Variants in KCNN2 observed in about 807,000 individuals in gnomAD.
KCNN2 encodes small conductance calcium-activated potassium channel protein 2.
A neutral mutation model predicts 55.5 loss-of-function variants in KCNN2; 24 were observed. That is an observed-to-expected ratio of 0.43 (90% confidence interval 0.31 to 0.61). The LOEUF (loss-of-function observed/expected upper bound fraction) is 0.61. KCNN2 is among the 20% of genes least tolerant of loss of function. The pLI is 0.08. For missense variants in KCNN2, 754 were observed against 853.6 expected, an observed-to-expected ratio of 0.88 and a Z score of 1.45; for synonymous variants, 431 against 336.1, an observed-to-expected ratio of 1.28 and a Z score of -3.09.
At chr5:114,346,455 A>G (rs1757104480) in intron 2 of KCNN2, among the ~76,000 whole-genome samples, 1 of 152,198 alleles carries the variant, frequency 6.6e-6, no homozygotes, top group Admixed American at 6.5e-5. Context: ...TGTAACTAAG[A>G]TTGAGCAAAT....
intron 1 of KCNN2, among the ~76,000 whole-genome samples, chr5:114,102,869 G>A (rs11950509): frequency 0.2 from 29,808 of 152,068 alleles, 3,170 homozygotes; most frequent in African/African-American, 0.28. Flanking sequence ...GTCAGGTAGC[G>A]TGATGCCTCC....
intron 2 of KCNN2, among the ~76,000 whole-genome samples, chr5:114,269,566 C>A (rs1049486563): frequency 5.3e-5 from 8 of 151,578 alleles, no homozygotes; most frequent in Admixed American, 3.9e-4. Flanking sequence ...ACACTGTAGA[C>A]CTTCCTTTCA....
intron 1 of KCNN2, among the ~76,000 whole-genome samples, chr5:114,129,901 C>G (rs2112610083): frequency 6.6e-6 from 1 of 152,272 alleles, no homozygotes; most frequent in East Asian, 1.9e-4. Flanking sequence ...TCTAGGACCT[C>G]CAAACACATC....
chr5:114,069,896 A>G (rs1442423969), intron 1 of KCNN2, among the ~76,000 whole-genome samples: 4 of 152,340 alleles, frequency 2.6e-5, no homozygotes, highest in African/African-American at 9.6e-5. Context: ...TGGGAATGCA[A>G]GGATACAGGT....
At chr5:114,468,550 T>TA (rs1761559849) in intron 4 of KCNN2, among the ~76,000 whole-genome samples, 1 of 152,144 alleles carries the variant, frequency 6.6e-6, no homozygotes, top group East Asian at 1.9e-4. Flanking sequence ...AATAGTCTAT[T>TA]TAGTCTAATA....
chr5:114,236,077 T>A (rs1294939114), intron 2 of KCNN2, among the ~76,000 whole-genome samples: 2 of 152,236 alleles, frequency 1.3e-5, no homozygotes, highest in African/African-American at 4.8e-5. Flanking sequence ...ATTGTATATG[T>A]ATATTTTAAC....
At chr5:114,363,303 C>G (rs1260513320) in intron 1 of KCNN2, 42 bp downstream of exon 1, 1 of 1,527,370 alleles carries the variant, frequency 6.5e-7, no homozygotes, top group African/African-American at 1.4e-5. Context: ...GAGTCGGGCA[C>G]TGGGTGGTTG....
intron 1 of KCNN2, among the ~76,000 whole-genome samples, chr5:114,076,044 T>C (rs1750679566): frequency 6.6e-6 from 1 of 152,242 alleles, no homozygotes; most frequent in South Asian, 2.1e-4. Context: ...CCACTACTAA[T>C]AGTTTGTTAG....
At position 114,375,952 on chromosome 5, in the gene KCNN2, GTATATATATATATA is replaced by G. The variant is rs6149186; in HGVS notation, c.1218+11963_1218+11976del. Among the ~76,000 whole-genome samples the G allele has an allele frequency of 5.7e-5, 6 of 104,722 alleles. 1 individual carries two copies. Among genetic ancestry groups the G allele is most frequent in the East Asian group, 5.2e-4 (1 of 1,916 alleles). The allele number at this position is 104,722 out of a possible 152,430, so 68.7% of individuals were successfully genotyped here. A position where few individuals can be genotyped will look rare whatever the true frequency, so the allele number is the denominator to read the frequency against. ...AATCATTTAAAAAAAGACTCACAGT[GTATATATATATATA>G]TATATATATATGTATTTTTTTCCTT... On this transcript the variant is annotated intron_variant, in intron 2 of 7. Coordinates refer to ENST00000673685, the MANE Select transcript of KCNN2 (RefSeq NM_021614.4).
chr5:114,264,130 C>T (rs1348664468), intron 2 of KCNN2, among the ~76,000 whole-genome samples: 1 of 152,140 alleles, frequency 6.6e-6, no homozygotes, highest in Non-Finnish European at 1.5e-5. Context: ...TCAATTCTGT[C>T]TTGTAGTTGG....
At chr5:114,127,575 A>C (rs1691384391) in intron 1 of KCNN2, among the ~76,000 whole-genome samples, 1 of 152,154 alleles carries the variant, frequency 6.6e-6, no homozygotes, top group Non-Finnish European at 1.5e-5. Context: ...GCCTCTGGCC[A>C]TGTGATGGGA....
chr5:114,322,179 A>C (rs1279180193), intron 2 of KCNN2, among the ~76,000 whole-genome samples: 1 of 152,226 alleles, frequency 6.6e-6, no homozygotes, highest in Admixed American at 6.5e-5. Flanking sequence ...AAATTAGTTT[A>C]TTTGTAGAAT....
At chr5:114,087,262 C>T (rs1751036085) in intron 1 of KCNN2, among the ~76,000 whole-genome samples, 1 of 152,004 alleles carries the variant, frequency 6.6e-6, no homozygotes, top group South Asian at 2.1e-4. Flanking sequence ...TTTTGTGGTG[C>T]AGAAGCTTTT....
chr5:114,067,665 G>A (rs1407891591), intron 1 of KCNN2, among the ~76,000 whole-genome samples: 1 of 152,098 alleles, frequency 6.6e-6, no homozygotes, highest in Non-Finnish European at 1.5e-5. Flanking sequence ...GAGGGATTAG[G>A]CAAAAGCATC....
At chr5:114,442,860 A>G (rs1161892780) in intron 3 of KCNN2, among the ~76,000 whole-genome samples, 1 of 152,144 alleles carries the variant, frequency 6.6e-6, no homozygotes, top group African/African-American at 2.4e-5. Flanking sequence ...GGCAGGGGGA[A>G]AAGAGGACAC....
chr5:114,233,493 C>T (rs1184574870), intron 2 of KCNN2, among the ~76,000 whole-genome samples: 1 of 152,182 alleles, frequency 6.6e-6, no homozygotes, highest in Admixed American at 6.5e-5. Context: ...ATAACACTCT[C>T]TCCTGATCAT....
At chr5:114,399,773 C>A (rs191822577) in intron 2 of KCNN2, among the ~76,000 whole-genome samples, 2 of 152,068 alleles carry the variant, frequency 1.3e-5, no homozygotes, top group East Asian at 3.9e-4. Flanking sequence ...TTACTGATTC[C>A]ATTTTGGAAC....
intron 2 of KCNN2, among the ~76,000 whole-genome samples, chr5:114,395,118 A>G (rs1416706349): frequency 6.6e-6 from 1 of 152,170 alleles, no homozygotes; most frequent in African/African-American, 2.4e-5. Flanking sequence ...CTTGCAGAGG[A>G]AAAGCACATG....
At chr5:114,075,776 C>T (rs1464813304) in intron 1 of KCNN2, among the ~76,000 whole-genome samples, 2 of 152,146 alleles carry the variant, frequency 1.3e-5, no homozygotes, top group Admixed American at 1.3e-4. Context: ...AGTGCTTGCA[C>T]GCTGGGGCTT....
Sources: gnomAD v4.1 joint callset for allele counts (sites outside exome capture counted in the v4.1 genomes callset) on GRCh38, gnomAD v4.1.1 for gene constraint, MANE v1.5 for transcripts, NCBI Gene and HGNC (gene_info 2026-07-23, HGNC 2026-07-21) for gene names.